Variants in ARHGEF4 observed in about 807,000 individuals in gnomAD.
The protein encoded by ARHGEF4 is Rho guanine nucleotide exchange factor 4.
ARHGEF4 carries 119 observed loss-of-function variants against 162.0 expected under a neutral mutation model. The observed-to-expected ratio is 0.73, with a 90% CI of 0.63 to 0.86. The LOEUF is 0.86. ARHGEF4 is among the 40% of genes least tolerant of loss of function. ARHGEF4 has a pLI of 0.00. For synonymous variants in ARHGEF4, 1,014 were observed against 979.9 expected, an observed-to-expected ratio of 1.03 and a Z score of -0.65; for missense variants, 2,488 against 2,456.0, an observed-to-expected ratio of 1.01 and a Z score of -0.28.
At chr2:130,897,134 G>A (rs979582572) in intron 1 of ARHGEF4, among the ~76,000 whole-genome samples, 19 of 152,164 alleles carry the variant, frequency 1.2e-4, no homozygotes, top group Non-Finnish European at 2.1e-4. Context: ...CCCTTGCAGC[G>A]CACTCCCTGT....
At chr2:130,843,195 G>A (rs1448743732) in intron 1 of ARHGEF4, among the ~76,000 whole-genome samples, 3 of 152,152 alleles carry the variant, frequency 2.0e-5, no homozygotes, top group Non-Finnish European at 2.9e-5. Flanking sequence ...ACCCACTCAT[G>A]GTGTATGACT....
At chr2:131,011,976 G>A (rs1366055627) in intron 4 of ARHGEF4, 3 of 694,732 alleles carry the variant, frequency 4.3e-6, no homozygotes, top group Non-Finnish European at 7.9e-6. Flanking sequence ...CTAGCTGATG[G>A]ACTTGATGAT....
intron 4 of ARHGEF4, among the ~76,000 whole-genome samples, chr2:130,954,802 C>G (rs1431344181): frequency 6.6e-6 from 1 of 152,148 alleles, no homozygotes; most frequent in African/African-American, 2.4e-5. Context: ...ACTGAGTTTC[C>G]TGGGTGTGTA....
intron 4 of ARHGEF4, among the ~76,000 whole-genome samples, chr2:130,992,794 C>T (rs956108019): frequency 3.3e-5 from 5 of 152,146 alleles, no homozygotes; most frequent in Non-Finnish European, 5.9e-5. Flanking sequence ...GGTTAAAGTA[C>T]AGACATCGGC....
Position 130,915,747 on chromosome 2 carries a change from G to A in ARHGEF4, c.1801G>A (p.Ala601Thr), listed in dbSNP as rs376404433. Residue 601 changes from alanine to threonine, a missense_variant, in exon 2 of 14, where the codon GCT (alanine) becomes ACT (threonine). Ala to Thr is a moderately conservative substitution (Grantham distance 58, BLOSUM62 0). Coordinates refer to ENST00000409359, the MANE Select transcript of ARHGEF4 (RefSeq NM_001367493.1). The stretch of plus-strand genomic sequence containing the variant: ...CACGGTGTCTCACTGCGGCCCCGGG[G>A]CTGAGGAGGGTGAACAGGGGCCTGG... ...AATVSHCGPG[A>T]EEGEQGPGGA... 2.4e-5 allele frequency: 37 copies of A among 1,542,970 alleles called. No individual in the cohort carries two copies. The African/African-American group carries it at 3.3e-4, about 14-fold the overall frequency.
At chr2:130,977,699 C>T (rs1685848125) in intron 4 of ARHGEF4, among the ~76,000 whole-genome samples, 1 of 151,170 alleles carries the variant, frequency 6.6e-6, no homozygotes, top group African/African-American at 2.4e-5. Flanking sequence ...ATTGTGCAAA[C>T]GTGTTTTTTT....
At chr2:130,864,208 AAAAAAAG>A (rs1682098222) in intron 1 of ARHGEF4, among the ~76,000 whole-genome samples, 1 of 150,520 alleles carries the variant, frequency 6.6e-6, no homozygotes, top group Non-Finnish European at 1.5e-5. Flanking sequence ...AAAGAAAAAA[AAAAAAAG>A]GAGTGAGTTA....
chr2:130,913,754 T>G, intron 1 of ARHGEF4, among the ~76,000 whole-genome samples: 1 of 152,252 alleles, frequency 6.6e-6, no homozygotes, highest in East Asian at 1.9e-4. Context: ...TTAATGGGGT[T>G]GTTTTAAGGA....
chr2:131,036,707 G>A (rs1425021587), intron 5 of ARHGEF4, among the ~76,000 whole-genome samples: 1 of 152,210 alleles, frequency 6.6e-6, no homozygotes, highest in African/African-American at 2.4e-5. Flanking sequence ...CACCTCACCT[G>A]GTTAATATCA....
chr2:131,016,133 T>C (rs1200082117), intron 4 of ARHGEF4, among the ~76,000 whole-genome samples: 1 of 152,100 alleles, frequency 6.6e-6, no homozygotes, highest in Non-Finnish European at 1.5e-5. Context: ...GCTGTCCCTG[T>C]TGCCTGGAAC....
chr2:130,920,451 T>C (rs569565037), intron 2 of ARHGEF4, among the ~76,000 whole-genome samples: 1 of 152,222 alleles, frequency 6.6e-6, no homozygotes, highest in Non-Finnish European at 1.5e-5. Flanking sequence ...CATTCCTTAC[T>C]GGAGAAGAGG....
intron 1 of ARHGEF4, among the ~76,000 whole-genome samples, chr2:130,868,671 G>A (rs928021607): frequency 5.3e-5 from 8 of 152,210 alleles, no homozygotes; most frequent in Non-Finnish European, 8.8e-5. Flanking sequence ...GTCAGATTTT[G>A]TTGCAATTTT....
Position 131,037,984 on chromosome 2 carries a change from G to A in ARHGEF4, c.4126-869G>A, listed in dbSNP as rs1285382332. 3.9e-5 allele frequency among the ~76,000 whole-genome samples: 6 copies of A among 152,334 alleles called. No homozygotes were observed. The East Asian group carries it at 9.7e-4, about 25-fold the overall frequency. ...ACTCAAACTTAGGATCACAGGGCTT[G>A]GGACCTAGAGCTCTAAGAAGGGGCA... On this transcript the variant is annotated intron_variant, in intron 5 of 13. Coordinates refer to ENST00000409359, the MANE Select transcript of ARHGEF4 (RefSeq NM_001367493.1).
intron 4 of ARHGEF4, among the ~76,000 whole-genome samples, chr2:130,996,221 A>G (rs1403796014): frequency 6.6e-6 from 1 of 152,138 alleles, no homozygotes; most frequent in Non-Finnish European, 1.5e-5. Context: ...CTGTTTCATC[A>G]GGAATGGGCA....
At chr2:130,847,771 T>G (rs572768044) in intron 1 of ARHGEF4, among the ~76,000 whole-genome samples, 12 of 152,276 alleles carry the variant, frequency 7.9e-5, no homozygotes, top group African/African-American at 2.6e-4. Context: ...AGTGCTGGCT[T>G]AGAGAAGGTG....
intron 4 of ARHGEF4, among the ~76,000 whole-genome samples, chr2:130,959,508 G>A (rs954831241): frequency 5.3e-5 from 8 of 152,036 alleles, no homozygotes; most frequent in African/African-American, 1.9e-4. Context: ...GGTAAAATGG[G>A]GCTAAAATAG....
At chr2:130,967,121 A>G (rs2105208530) in intron 4 of ARHGEF4, among the ~76,000 whole-genome samples, 1 of 152,312 alleles carries the variant, frequency 6.6e-6, no homozygotes, top group South Asian at 2.1e-4. Context: ...CAGCTTCCTC[A>G]CAGGGCGCAC....
intron 4 of ARHGEF4, among the ~76,000 whole-genome samples, chr2:130,995,550 A>C (rs1378777095): frequency 6.6e-6 from 1 of 152,156 alleles, no homozygotes; most frequent in African/African-American, 2.4e-5. Context: ...GTGCCTGGTT[A>C]TATTTTATTT....
At position 131,030,429 on chromosome 2, in the gene ARHGEF4, G is replaced by T. The variant is rs528531322; in HGVS notation, c.4125+2345G>T. On this transcript the variant is annotated intron_variant, in intron 5 of 13. Coordinates refer to ENST00000409359, the MANE Select transcript of ARHGEF4 (RefSeq NM_001367493.1). ...CCTGTTTGGTCCTGTTTGGTTCAGA[G>T]GTCTCTCCTGGCATTGGAGGTTGCT... Among the ~76,000 whole-genome samples the T allele has an allele frequency of 2.0e-5, 3 of 152,322 alleles. No homozygotes were observed. In the East Asian group the frequency reaches 5.8e-4, roughly 29 times the overall value.
Sources: allele counts gnomAD v4.1 joint callset (sites outside exome capture counted in the v4.1 genomes callset), GRCh38; gene constraint gnomAD v4.1.1; transcripts MANE v1.5; gene names NCBI Gene and HGNC (gene_info 2026-07-23, HGNC 2026-07-21).